RIMBP2: variants seen among roughly 807,000 people sequenced by gnomAD.
RIMBP2 encodes RIMS-binding protein 2.
A neutral mutation model predicts 118.6 loss-of-function variants in RIMBP2; 48 were observed. The observed-to-expected ratio is 0.40, with a 90% confidence interval of 0.32 to 0.51. RIMBP2 has a LOEUF of 0.51. Among genes scored for constraint, RIMBP2 ranks in the 20% least tolerant of loss-of-function variants. The probability of loss-of-function intolerance (pLI) is 0.41; values close to 1 mark genes in which losing one functional copy is unlikely to be tolerated. For synonymous variants in RIMBP2, 762 were observed against 742.9 expected (o/e 1.03, Z -0.42); for missense variants, 1,551 against 1,768.3 (o/e 0.88, Z 2.20).
intron 5 of RIMBP2, among the ~76,000 whole-genome samples, chr12:130,477,838 T>C (rs1320712657): frequency 1.3e-5 from 2 of 151,810 alleles, no homozygotes; most frequent in Non-Finnish European, 2.9e-5. Flanking sequence ...GGCAGAGGAG[T>C]GGCCCATCCC....
chr12:130,702,376 T>C (rs2695884), intron 1 of RIMBP2, among the ~76,000 whole-genome samples: 58,281 of 151,540 alleles, frequency 0.38, 13,606 homozygotes, highest in African/African-American at 0.66. Context: ...ATTAACTGAG[T>C]GTGTTGGCAC....
rs1260693313 is a variant in RIMBP2, at chr12:130,646,443, C to CCTCATCACCTGCCTCAT, written c.-351-17988_-351-17987insATGAGGCAGGTGATGAG. 5.9e-5 allele frequency among the ~76,000 whole-genome samples: 5 copies of CCTCATCACCTGCCTCAT among 84,540 alleles called. 2 individuals are homozygous for CCTCATCACCTGCCTCAT. The East Asian group carries it at 1.6e-3, about 28-fold the overall frequency. The allele number at this position is 84,540 out of a possible 152,430, so 55.5% of individuals were successfully genotyped here. On this transcript the variant is annotated intron_variant, in intron 1 of 22. Coordinates refer to ENST00000690449, the MANE Select transcript of RIMBP2 (RefSeq NM_001393629.1). ...ACCACTTCCCTCTCCACCTCCCTTG[C>CCTCATCACCTGCCTCAT]CACCTCCCTCGCCACCTCCCTCGCT...
At chr12:130,680,603 G>T (rs2064735575) in intron 1 of RIMBP2, among the ~76,000 whole-genome samples, 1 of 152,186 alleles carries the variant, frequency 6.6e-6, no homozygotes, top group South Asian at 2.1e-4. Context: ...CTCGGGGAGA[G>T]GCAATTTTGC....
chr12:130,692,856 T>C (rs1310502796), intron 1 of RIMBP2, among the ~76,000 whole-genome samples: 1 of 97,394 alleles, frequency 1.0e-5, no homozygotes, highest in African/African-American at 7.1e-5. Context: ...TGGGATAGGG[T>C]AGGGTAGGGT....
At chr12:130,559,065 T>G (rs780370213) in intron 2 of RIMBP2, among the ~76,000 whole-genome samples, 1 of 152,200 alleles carries the variant, frequency 6.6e-6, no homozygotes, top group Non-Finnish European at 1.5e-5. Flanking sequence ...AATAAGTGTA[T>G]GTATTTATGG....
intron 4 of RIMBP2, among the ~76,000 whole-genome samples, chr12:130,483,970 C>T (rs1311277781): frequency 6.6e-6 from 1 of 152,120 alleles, no homozygotes; most frequent in Non-Finnish European, 1.5e-5. Context: ...CTAACAGGGG[C>T]TGCGAGGGCT....
chr12:130,521,225 C>T (rs957986229), intron 2 of RIMBP2, among the ~76,000 whole-genome samples: 5 of 152,216 alleles, frequency 3.3e-5, no homozygotes, highest in African/African-American at 9.7e-5. Context: ...TCAAATCAAG[C>T]CTTTCTGAAT....
chr12:130,656,781 C>T (rs578022674), intron 1 of RIMBP2, among the ~76,000 whole-genome samples: 12 of 152,124 alleles, frequency 7.9e-5, no homozygotes, highest in Admixed American at 3.9e-4. Flanking sequence ...TGGTGGTGCA[C>T]ACCTGTGGTC....
rs1007957800 is a variant in RIMBP2, at chr12:130,622,148, C to T, written c.-217+6174G>A. 6.6e-6 allele frequency among the ~76,000 whole-genome samples: 1 copy of T among 152,098 alleles called. No homozygotes were observed. Reference sequence around the variant, plus strand: ...AGACAGTTAGTCTTGGGGTCCTGACCAAAAATGAGCCCTGAGAACTTGCAG... The same window carrying T: ...AGACAGTTAGTCTTGGGGTCCTGACTAAAAATGAGCCCTGAGAACTTGCAG... On this transcript the variant is annotated intron_variant, in intron 2 of 22. Transcript: ENST00000690449. This position sits in a 1 kb window ranked among gnomAD's most constrained non-coding sequence, Gnocchi z 8.5.
In RIMBP2 at chr12:130,517,921, G is replaced by C; in HGVS notation, c.-216-4C>G. On this transcript the variant is annotated splice_polypyrimidine_tract_variant and splice_region_variant and intron_variant, in intron 2 of 22. Coordinates refer to ENST00000690449, the MANE Select transcript of RIMBP2 (RefSeq NM_001393629.1). ...TGGCATCCTTCAGTTCATTTTCCTA[G>C]GACAAAAGGAAAGGACATGTGAGAT... 1 of 981,222 alleles carries C rather than the reference G, an allele frequency of 1.0e-6. No homozygotes were observed. Among genetic ancestry groups the C allele is most frequent in the Non-Finnish European group, 1.2e-6 (1 of 825,750 alleles). 60.8% of individuals were successfully genotyped at this position (981,222 alleles called of 1,614,324 possible).
Position 130,553,621 on chromosome 12 carries a change from G to A in RIMBP2, c.-216-35704C>T, listed in dbSNP as rs555210061. On this transcript the variant is annotated intron_variant, in intron 2 of 22. Transcript: ENST00000690449. ...TAGCCAAGTGTGGTGGTGCATGCTT[G>A]TATTCCAAGCTACTTGGGAGGCTGA... Among the ~76,000 whole-genome samples, 139 of 152,294 alleles carry A rather than the reference G, an allele frequency of 9.1e-4. 1 individual carries two copies. Among genetic ancestry groups the A allele is most frequent in the Non-Finnish European group, 1.4e-3 (97 of 68,022 alleles).
At chr12:130,571,687 A>C (rs559160417) in intron 2 of RIMBP2, among the ~76,000 whole-genome samples, 1 of 152,144 alleles carries the variant, frequency 6.6e-6, no homozygotes, top group Non-Finnish European at 1.5e-5. Context: ...CACCACCTGC[A>C]TACTCAAGAC....
intron 2 of RIMBP2, among the ~76,000 whole-genome samples, chr12:130,564,298 CTTAT>C (rs993635932): frequency 4.1e-5 from 6 of 146,288 alleles, no homozygotes; most frequent in African/African-American, 1.3e-4. Context: ...CCCCTTCCTC[CTTAT>C]TTTATTTCCC....
chr12:130,525,004 C>A lies in RIMBP2; in HGVS notation c.-216-7087G>T, dbSNP rs2052621328. Among the ~76,000 whole-genome samples, 1 of 152,192 alleles carries A rather than the reference C, an allele frequency of 6.6e-6. No individual in the cohort carries two copies. Among genetic ancestry groups the A allele is most frequent in the Non-Finnish European group, 1.5e-5 (1 of 68,038 alleles). ...GGAATGCTCAGGGGACAGGTCCCCA[C>A]ATGGCCCAGAGCTCAGGAAGGAGAG... On this transcript the variant is annotated intron_variant, in intron 2 of 22. Coordinates refer to ENST00000690449, the MANE Select transcript of RIMBP2 (RefSeq NM_001393629.1). The surrounding 1 kb of genome is among the most constrained non-coding windows in gnomAD (Gnocchi z 4.4).
chr12:130,456,460 C>T (rs373429627), intron 7 of RIMBP2, 36 bp downstream of exon 7: 50 of 1,525,688 alleles, frequency 3.3e-5, no homozygotes, highest in Non-Finnish European at 4.2e-5. Context: ...CCATTCTCTC[C>T]CCACCACAGC....
chr12:130,520,247 G>C (rs2051936066), intron 2 of RIMBP2, among the ~76,000 whole-genome samples: 1 of 152,232 alleles, frequency 6.6e-6, no homozygotes, highest in Admixed American at 6.5e-5. Context: ...AAAAAGCTCA[G>C]GATCTAAATC....
rs145246227 is a variant in RIMBP2, at chr12:130,538,701, G to A, written c.-216-20784C>T. On this transcript the variant is annotated intron_variant, in intron 2 of 22. Transcript: ENST00000690449. ...CATTTGCATCAATAGAGCGAGTCACGAGCATTACAGAGCTGCTGCCAGGCC... is the reference window on the plus strand; with the variant it reads ...CATTTGCATCAATAGAGCGAGTCACAAGCATTACAGAGCTGCTGCCAGGCC... 1.4e-3 allele frequency among the ~76,000 whole-genome samples: 209 copies of A among 152,224 alleles called. 1 individual carries two copies. The highest frequency in any genetic ancestry group is 4.6e-3 in the African/African-American group (191 of 41,532).
chr12:130,445,296 T>C, intron 9 of RIMBP2, 27 bp from the exon 10 acceptor site: 1 of 1,558,122 alleles, frequency 6.4e-7, no homozygotes, highest in Non-Finnish European at 8.8e-7. Flanking sequence ...GTTCCTTCAT[T>C]AGAGGCTCTG....
intron 2 of RIMBP2, among the ~76,000 whole-genome samples, chr12:130,535,716 T>A (rs1207556653): frequency 1.3e-5 from 1 of 77,022 alleles, no homozygotes; most frequent in Non-Finnish European, 2.7e-5. Flanking sequence ...CATATACATA[T>A]ACATATATAT....
Sources: gnomAD v4.1 joint callset for allele counts (sites outside exome capture counted in the v4.1 genomes callset) on GRCh38, gnomAD v4.1.1 for gene constraint, Gnocchi (gnomAD v3.1) non-coding constraint, MANE v1.5 for transcripts, NCBI Gene and HGNC (gene_info 2026-07-23, HGNC 2026-07-21) for gene names.